Variants in LUZP2 observed in about 807,000 individuals in gnomAD.
The protein encoded by LUZP2 is leucine zipper protein 2.
A neutral mutation model predicts 51.6 loss-of-function variants in LUZP2; 52 were observed. That is an observed-to-expected ratio of 1.01 (90% CI 0.81 to 1.27). The LOEUF (loss-of-function observed/expected upper bound fraction) is 1.27, where lower values mean the gene tolerates loss of function less well. LUZP2 is among the 50% of genes most tolerant of loss of function. The pLI is 0.00. For synonymous variants in LUZP2, 154 were observed against 137.3 expected, an observed-to-expected ratio of 1.12 and a Z score of -0.85; for missense variants, 436 against 395.4, an observed-to-expected ratio of 1.10 and a Z score of -0.87.
At chr11:24,875,444 A>G (rs1201541765) in intron 5 of LUZP2, among the ~76,000 whole-genome samples, 1 of 137,352 alleles carries the variant, frequency 7.3e-6, no homozygotes, top group Non-Finnish European at 1.6e-5. Context: ...ATCCTTTTTT[A>G]TGGCTGCATA....
chr11:24,828,159 G>A (rs1850598411), intron 5 of LUZP2, among the ~76,000 whole-genome samples: 2 of 152,054 alleles, frequency 1.3e-5, no homozygotes, highest in African/African-American at 4.8e-5. Context: ...GACTTCTTTT[G>A]AAGACATCAA....
chr11:24,663,787 T>G (rs1856109242), intron 1 of LUZP2, among the ~76,000 whole-genome samples: 1 of 152,088 alleles, frequency 6.6e-6, no homozygotes, highest in Non-Finnish European at 1.5e-5. Flanking sequence ...TGCTAGTAAG[T>G]TCTTAAGAGA....
chr11:24,558,040 T>G (rs2133764344), intron 1 of LUZP2, among the ~76,000 whole-genome samples: 1 of 152,192 alleles, frequency 6.6e-6, no homozygotes, highest in South Asian at 2.1e-4. Flanking sequence ...ATAGGCAACA[T>G]TCAAACAGCT....
chr11:25,053,992 A>C (rs1213830724), intron 10 of LUZP2, among the ~76,000 whole-genome samples: 2 of 152,108 alleles, frequency 1.3e-5, no homozygotes, highest in Non-Finnish European at 2.9e-5. Context: ...CCTTAAACTA[A>C]GCCTCTTGGA....
chr11:24,627,758 A>G (rs1854733148), intron 1 of LUZP2, among the ~76,000 whole-genome samples: 1 of 152,162 alleles, frequency 6.6e-6, no homozygotes, highest in Non-Finnish European at 1.5e-5. Flanking sequence ...AGACTTTAGA[A>G]TAAGGTAGCC....
intron 9 of LUZP2, among the ~76,000 whole-genome samples, chr11:24,997,862 C>CTT (rs1396957373): frequency 6.6e-6 from 1 of 152,098 alleles, no homozygotes; most frequent in African/African-American, 2.4e-5. Context: ...CCCAGCACCA[C>CTT]TTATTAAATA....
chr11:24,905,826 A>G (rs76831935), intron 5 of LUZP2, among the ~76,000 whole-genome samples, 165 bp from the exon 6 acceptor site: 6,403 of 152,278 alleles, frequency 0.042, 437 homozygotes, highest in African/African-American at 0.14. Context: ...ATAAAAAACA[A>G]TCTTTTACTT....
At chr11:24,719,896 A>G (rs1858196572) in intron 1 of LUZP2, among the ~76,000 whole-genome samples, 1 of 152,222 alleles carries the variant, frequency 6.6e-6, no homozygotes, top group African/African-American at 2.4e-5. Flanking sequence ...TTTCACTGAT[A>G]AACTGACAGC....
At chr11:24,590,823 A>G (rs905654780) in intron 1 of LUZP2, among the ~76,000 whole-genome samples, 4 of 152,060 alleles carry the variant, frequency 2.6e-5, no homozygotes, top group Non-Finnish European at 4.4e-5. Context: ...CCTTATTTTC[A>G]TCATGGATTG....
At chr11:24,992,226 A>C (rs1856370672) in intron 9 of LUZP2, among the ~76,000 whole-genome samples, 1 of 152,114 alleles carries the variant, frequency 6.6e-6, no homozygotes, top group African/African-American at 2.4e-5. Context: ...ACAGGCTGTA[A>C]GAAAATCACA....
intron 5 of LUZP2, among the ~76,000 whole-genome samples, chr11:24,882,755 T>G (rs1189573029): frequency 5.5e-5 from 8 of 145,348 alleles, no homozygotes; most frequent in African/African-American, 1.2e-4. Context: ...ACTAGGTAAC[T>G]CATTGCTTTT....
chr11:24,914,525 A>G lies in LUZP2; in HGVS notation c.509A>G (p.Asp170Gly). Residue 170 changes from aspartate to glycine, a missense_variant, in exon 7 of 12, where the codon GAT (aspartate) becomes GGT (glycine). Transcript: ENST00000336930. ...AAGGAGCTTCGTTATGGGAAGAAGG[A>G]TTTATTATTTAAGGTGAGTCTCTTT... ...QLKELRYGKK[D>G]LLFKAQQLTD... is the part of the protein sequence containing the mutation. 1 of 1,608,024 alleles carries G rather than the reference A, an allele frequency of 6.2e-7. No individual in the cohort carries two copies. The highest frequency in any genetic ancestry group is 8.5e-7 in the Non-Finnish European group (1 of 1,177,850).
intron 5 of LUZP2, among the ~76,000 whole-genome samples, chr11:24,809,619 T>A (rs1344568321): frequency 6.6e-6 from 1 of 152,154 alleles, no homozygotes. Flanking sequence ...AAGAAAAGTG[T>A]GTGAGAATCA....
Position 25,057,469 on chromosome 11 carries a change from C to T in LUZP2, c.858+7339C>T, listed in dbSNP as rs539597962. Among the ~76,000 whole-genome samples the T allele has an allele frequency of 1.6e-4, 24 of 152,152 alleles. No individual in the cohort carries two copies. The South Asian group carries it at 4.1e-3, about 26-fold the overall frequency. On this transcript the variant is annotated intron_variant, in intron 10 of 11. Coordinates refer to ENST00000336930, the MANE Select transcript of LUZP2 (RefSeq NM_001009909.4). The stretch of plus-strand genomic sequence containing the variant: ...TATGTACAAGTTACTCTAAAAGCTG[C>T]GTTGTTTAAATGATAATATTGGAGT...
intron 1 of LUZP2, among the ~76,000 whole-genome samples, chr11:24,630,678 T>C (rs944691856): frequency 2.7e-5 from 4 of 150,646 alleles, no homozygotes; most frequent in South Asian, 2.1e-4. Context: ...TCCGACTTTT[T>C]TTTTTTTTTT....
intron 1 of LUZP2, among the ~76,000 whole-genome samples, chr11:24,700,350 C>T (rs139438779): frequency 7.2e-5 from 11 of 152,296 alleles, no homozygotes; most frequent in African/African-American, 2.4e-4. Flanking sequence ...AGGCATAAGC[C>T]ACCACGCCCG....
rs1221796711 is a variant in LUZP2, at chr11:25,064,762, C to T, written c.859-12567C>T. 1.2e-3 allele frequency among the ~76,000 whole-genome samples: 177 copies of T among 152,130 alleles called. 3 individuals are homozygous for T. The highest frequency in any genetic ancestry group is 7.4e-5 in the Non-Finnish European group (5 of 67,980). On this transcript the variant is annotated intron_variant, in intron 10 of 11. Coordinates refer to ENST00000336930, the MANE Select transcript of LUZP2 (RefSeq NM_001009909.4). ...TTTCCATTTTCCCAATCTGCTCTCT[C>T]TCTTATCCTAGGCACGTCACTCAAG...
At chr11:24,896,464 C>T (rs1853058014) in intron 5 of LUZP2, among the ~76,000 whole-genome samples, 1 of 152,144 alleles carries the variant, frequency 6.6e-6, no homozygotes, top group African/African-American at 2.4e-5. Flanking sequence ...GCGCCGGGTC[C>T]CCAGCACCAC....
At chr11:24,840,422 G>T (rs1294400615) in intron 5 of LUZP2, among the ~76,000 whole-genome samples, 1 of 151,734 alleles carries the variant, frequency 6.6e-6, no homozygotes, top group African/African-American at 2.4e-5. Flanking sequence ...TAAAACGTCT[G>T]CAAGGATTGG....
Sources: allele counts gnomAD v4.1 joint callset (sites outside exome capture counted in the v4.1 genomes callset), GRCh38; gene constraint gnomAD v4.1.1; transcripts MANE v1.5; gene names NCBI Gene and HGNC (gene_info 2026-07-23, HGNC 2026-07-21).